Variants in ARHGEF10 observed in about 807,000 individuals in gnomAD.
ARHGEF10 encodes Rho guanine nucleotide exchange factor 10.
Under a neutral mutation model 147.4 loss-of-function variants are expected in ARHGEF10, and 140 were observed. The ratio of observed to expected loss-of-function variants is 0.95; its 90% CI spans 0.83 to 1.09. ARHGEF10 has a LOEUF of 1.09. Among genes scored for constraint, ARHGEF10 ranks in the 50% least tolerant of loss-of-function variants. ARHGEF10 has a pLI of 0.00. For synonymous variants in ARHGEF10, 902 were observed against 695.8 expected, an observed-to-expected ratio of 1.30 and a Z score of -4.67; for missense variants, 2,222 against 1,752.7, an observed-to-expected ratio of 1.27 and a Z score of -4.78.
At chr8:1,826,019 A>G in intron 1 of ARHGEF10, 1 of 1,158,010 alleles carries the variant, frequency 8.6e-7, no homozygotes, top group Non-Finnish European at 1.2e-6. Flanking sequence ...TTTTAAAAAC[A>G]CACTTTGTCC....
intron 14 of ARHGEF10, among the ~76,000 whole-genome samples, chr8:1,898,097 G>A (rs1810156010): frequency 1.3e-5 from 2 of 152,176 alleles, no homozygotes; most frequent in Non-Finnish European, 2.9e-5. Flanking sequence ...CATGGCACCG[G>A]AAGAGGTTGC....
At chr8:1,862,192 C>A (rs1350066422) in intron 4 of ARHGEF10, among the ~76,000 whole-genome samples, 1 of 152,232 alleles carries the variant, frequency 6.6e-6, no homozygotes, top group Admixed American at 6.5e-5. Context: ...GGTGGCACTG[C>A]TGGCTTTTCT....
chr8:1,923,826 A>G lies in ARHGEF10; in HGVS notation c.2440A>G (p.Ile814Val), dbSNP rs201667595. Residue 814 changes from isoleucine to valine, a missense_variant, in exon 21 of 29, where the codon ATC (isoleucine) becomes GTC (valine). Coordinates refer to ENST00000349830, the MANE Select transcript of ARHGEF10 (RefSeq NM_014629.4). ...TGTGTTCAATACGTTCACCCCTGCC[A>G]TCAAGGAGTCCTGGGTCAACAGCTT... is the stretch of plus-strand genomic sequence containing the variant. Reference protein sequence around the residue: ...TAVFNTFTPAIKESWVNSLQM... With the variant: ...TAVFNTFTPAVKESWVNSLQM... 5.0e-6 allele frequency: 8 copies of G among 1,614,180 alleles called. No homozygotes were observed. The highest frequency in any genetic ancestry group is 4.2e-6 in the Non-Finnish European group (5 of 1,180,024).
intron 26 of ARHGEF10, among the ~76,000 whole-genome samples, chr8:1,945,262 G>A (rs894864834): frequency 6.6e-6 from 1 of 152,198 alleles, no homozygotes; most frequent in East Asian, 1.9e-4. Context: ...TCTTTGGAAT[G>A]GCCATTTTCT....
In ARHGEF10 at chr8:1,860,056, G is replaced by T. The variant is rs768925210; in HGVS notation, c.353G>T (p.Gly118Val). The change falls in exon 4 of 29, where the codon GGT becomes GTT. Residue 118 changes from glycine (G) to valine (V), a missense_variant. Gly to Val is a moderately radical substitution (Grantham distance 109, BLOSUM62 -3). Transcript: ENST00000349830. ...PVPSAEEENV[G>V]LHVPCGYLVP... ...CCCAGCGCTGAGGAGGAGAATGTGG[G>T]TCTCCATGTGCCCTGCGGGTACTTG... The T allele has an allele frequency of 7.4e-6, 12 of 1,614,146 alleles. No homozygotes were observed. The East Asian group carries it at 2.7e-4, about 36-fold the overall frequency.
chr8:1,843,405 C>G lies in ARHGEF10; in HGVS notation c.6C>G (p.Asp2Glu). MDQREPLPPAPA... is the reference protein window; with the variant it reads MEQREPLPPAPA... ...GAGGCATCTGGAGCTGCAGCATGGA[C>G]CAGCGAGAGCCCCTGCCTCCCGCTC... The change falls in exon 2 of 29, where the codon GAC becomes GAG. Residue 2 changes from aspartate (D) to glutamate (E), a missense_variant. Asp to Glu is a conservative substitution (Grantham distance 45). Coordinates refer to ENST00000349830, the MANE Select transcript of ARHGEF10 (RefSeq NM_014629.4). 1 of 1,613,244 alleles carries G rather than the reference C, an allele frequency of 6.2e-7. No individual in the cohort carries two copies. The highest frequency in any genetic ancestry group is 1.3e-5 in the African/African-American group (1 of 75,052).
intron 9 of ARHGEF10, among the ~76,000 whole-genome samples, chr8:1,880,548 C>T (rs1808100989): frequency 1.3e-5 from 2 of 152,142 alleles, no homozygotes; most frequent in Admixed American, 6.5e-5. Context: ...TTTAAATGAA[C>T]ATTTATAAAA....
chr8:1,949,992 C>T (rs998277774), intron 27 of ARHGEF10, among the ~76,000 whole-genome samples: 19 of 152,154 alleles, frequency 1.2e-4, no homozygotes, highest in African/African-American at 4.3e-4. Flanking sequence ...CTTCTCCCAG[C>T]CTCCAGGGCG....
intron 27 of ARHGEF10, among the ~76,000 whole-genome samples, chr8:1,946,387 A>G (rs1814593716): frequency 6.6e-6 from 1 of 152,176 alleles, no homozygotes; most frequent in African/African-American, 2.4e-5. Context: ...GCTGGCTTAC[A>G]AGCCAGAGAG....
intron 11 of ARHGEF10, among the ~76,000 whole-genome samples, chr8:1,888,678 G>C (rs1396679861): frequency 1.8e-5 from 2 of 110,992 alleles, no homozygotes; most frequent in Admixed American, 1.7e-4. Context: ...GTGAGGGTTT[G>C]TGAGGAGACA....
Position 1,893,551 on chromosome 8 carries a change from C to A in ARHGEF10, c.1183-18C>A, listed in dbSNP as rs763925210. 13 of 1,589,096 alleles carry A rather than the reference C, an allele frequency of 8.2e-6. No individual in the cohort carries two copies. The Middle Eastern group carries it at 5.0e-4, about 61-fold the overall frequency. ...TATAAAGCAGTTTTCTATCATTGTA[C>A]TTCCAAATTTCCAACAGGTTGTAAG... On this transcript the variant is annotated intron_variant, in intron 11 of 28. Transcript: ENST00000349830.
intron 6 of ARHGEF10, among the ~76,000 whole-genome samples, chr8:1,867,012 C>T (rs1806682764): frequency 6.6e-6 from 1 of 150,822 alleles, no homozygotes; most frequent in Admixed American, 6.6e-5. Flanking sequence ...GCGGGTGGGC[C>T]TCCCTTTTTT....
At chr8:1,882,890 C>T (rs1808339381) in intron 10 of ARHGEF10, 141 bp downstream of exon 10, 3 of 787,776 alleles carry the variant, frequency 3.8e-6, no homozygotes, top group African/African-American at 3.4e-5. Flanking sequence ...GTGCTTGGGT[C>T]TGAATCAGCC....
chr8:1,940,449 A>C (rs1813993293), intron 26 of ARHGEF10, among the ~76,000 whole-genome samples: 1 of 152,222 alleles, frequency 6.6e-6, no homozygotes, highest in Admixed American at 6.5e-5. Context: ...AGAACATTTG[A>C]ATAGACCTAA....
intron 25 of ARHGEF10, among the ~76,000 whole-genome samples, chr8:1,929,957 TG>T (rs1812991403): frequency 6.6e-6 from 1 of 152,128 alleles, no homozygotes; most frequent in East Asian, 1.9e-4. Flanking sequence ...CCGCAGCCGC[TG>T]GGGGTGGGCA....
intron 18 of ARHGEF10, 117 bp from the exon 19 acceptor site, chr8:1,922,847 A>G (rs1395701121): frequency 1.7e-5 from 12 of 710,100 alleles, no homozygotes; most frequent in Non-Finnish European, 2.7e-5. Context: ...TAAAAGTTCT[A>G]GATTCACCCC....
intron 1 of ARHGEF10, among the ~76,000 whole-genome samples, chr8:1,824,753 C>T (rs1209931104): frequency 1.1e-5 from 1 of 87,788 alleles, no homozygotes; most frequent in African/African-American, 4.9e-5. Context: ...CCGCCTGTCC[C>T]CCCGCACCCT....
Position 1,909,445 on chromosome 8 carries a change from G to T in ARHGEF10, c.2118G>T (p.Leu706=). The T allele has an allele frequency of 1.2e-6, 2 of 1,614,100 alleles. No homozygotes were observed. Among genetic ancestry groups the T allele is most frequent in the South Asian group, 1.1e-5 (1 of 91,084 alleles). ...TTGCCGTTCACCCGCCGGAGAGCCT[G>T]GCCGTGGTTGCTAACGCGAAACCAA... The part of the protein sequence containing the change: ...RHLAVHPPES[L]AVVANAKPNK... Residue 706 remains leucine (L), a synonymous_variant, in exon 18 of 29, where the codon CTG becomes CTT. Transcript: ENST00000349830.
Position 1,824,514 on chromosome 8 carries a change from G to A in ARHGEF10, c.-48+401G>A, listed in dbSNP as rs115967533. ...CCGCCTCAGGATGCAGAGAAGGACC[G>A]GTGTAAGGAAAGCCGGCGTCTTTCC... On this transcript the variant is annotated intron_variant, in intron 1 of 28. Coordinates refer to ENST00000349830, the MANE Select transcript of ARHGEF10 (RefSeq NM_014629.4). Among the ~76,000 whole-genome samples, 34 of 151,854 alleles carry A rather than the reference G, an allele frequency of 2.2e-4. 1 individual carries two copies. In the East Asian group the frequency reaches 6.6e-3, roughly 30 times the overall value.
Sources: gnomAD v4.1 joint callset for allele counts (sites outside exome capture counted in the v4.1 genomes callset) on GRCh38, gnomAD v4.1.1 for gene constraint, MANE v1.5 for transcripts, NCBI Gene and HGNC (gene_info 2026-07-23, HGNC 2026-07-21) for gene names.